Variants in CNBP observed in about 807,000 individuals in gnomAD.
CNBP encodes the protein cellular nucleic acid-binding protein.
A neutral mutation model predicts 21.2 loss-of-function variants in CNBP; 6 were observed. That is an observed-to-expected ratio of 0.28 (90% CI 0.16 to 0.56). The LOEUF (loss-of-function observed/expected upper bound fraction) is 0.56. Among genes scored for constraint, CNBP ranks in the 20% least tolerant of loss-of-function variants. The pLI, the probability that CNBP is intolerant of heterozygous loss-of-function variation, is 0.93. For synonymous variants in CNBP, 61 were observed against 74.9 expected (o/e 0.81, Z 0.96); for missense variants, 112 against 233.1 (o/e 0.48, Z 3.38).
rs1012713236 is a variant in CNBP, at chr3:129,169,631, T to C, written c.*822A>G. The C allele has an allele frequency of 4.8e-6, 1 of 209,986 alleles. No homozygotes were observed. Among genetic ancestry groups the C allele is most frequent in the Non-Finnish European group, 9.7e-6 (1 of 103,164 alleles). The allele number at this position is 209,986 out of a possible 1,614,324, so 13.0% of individuals were successfully genotyped here. A position where few individuals can be genotyped will look rare whatever the true frequency, so the allele number is the denominator to read the frequency against. On this transcript the variant is annotated 3_prime_UTR_variant, in exon 5 of 5. Coordinates refer to ENST00000422453, the MANE Select transcript of CNBP (RefSeq NM_003418.5). Reference sequence around the variant, plus strand: ...AGTTTAAAATTACATTTCTATTTTCTAGGACTTCAGTTGCTCTTTCCATCT... The same window carrying C: ...AGTTTAAAATTACATTTCTATTTTCCAGGACTTCAGTTGCTCTTTCCATCT...
chr3:129,179,877 A>G (rs1938172355), intron 1 of CNBP, among the ~76,000 whole-genome samples: 1 of 152,092 alleles, frequency 6.6e-6, no homozygotes, highest in African/African-American at 2.4e-5. Flanking sequence ...GTGGTGGCAC[A>G]CGCCTATAGT....
At chr3:129,173,496 C>T (rs1283633281) in intron 1 of CNBP, among the ~76,000 whole-genome samples, 1 of 152,244 alleles carries the variant, frequency 6.6e-6, no homozygotes, top group African/African-American at 2.4e-5. Context: ...CTCCCCTTTC[C>T]AAATGTTTCT....
chr3:129,170,731 C>T (rs1208972309), intron 4 of CNBP, among the ~76,000 whole-genome samples, 161 bp from the exon 5 acceptor site: 1 of 152,180 alleles, frequency 6.6e-6, no homozygotes, highest in Non-Finnish European at 1.5e-5. Context: ...AAATTATACA[C>T]TTACATGTCA....
intron 1 of CNBP, among the ~76,000 whole-genome samples, chr3:129,172,336 C>A (rs1937588054): frequency 6.6e-6 from 1 of 151,898 alleles, no homozygotes; most frequent in South Asian, 2.1e-4. Context: ...AATCCTAGCA[C>A]TTTGGGAGGC....
chr3:129,178,219 T>A (rs1276488786), intron 1 of CNBP, among the ~76,000 whole-genome samples: 2 of 150,956 alleles, frequency 1.3e-5, no homozygotes, highest in African/African-American at 4.9e-5. Context: ...TGAGGAGCCA[T>A]GTATGCTAAA....
chr3:129,174,131 C>A (rs1937720715), intron 1 of CNBP, among the ~76,000 whole-genome samples: 1 of 151,996 alleles, frequency 6.6e-6, no homozygotes, highest in South Asian at 2.1e-4. Context: ...TGCCTATGAA[C>A]ATATTACCAA....
intron 1 of CNBP, among the ~76,000 whole-genome samples, chr3:129,182,285 G>A (rs1166456637): frequency 1.3e-5 from 2 of 152,072 alleles, no homozygotes; most frequent in Admixed American, 1.3e-4. Context: ...CCTTCACTTT[G>A]AGAAAGACAA....
At chr3:129,180,125 A>G (rs1169890327) in intron 1 of CNBP, among the ~76,000 whole-genome samples, 2 of 152,204 alleles carry the variant, frequency 1.3e-5, no homozygotes, top group African/African-American at 2.4e-5. Context: ...TACCAATTCA[A>G]TCTCTACTTC....
rs779532978 is a variant in CNBP, at chr3:129,171,522, G to T, written c.141C>A (p.Ser47=). ...FTSDRGFQFV[S]SSLPDICYRC... ...GATAACAAATGTCTGGAAGAGACGA[G>T]GAAACAAACTGGAAACCTGTTTTGA... Residue 47 remains serine, a synonymous_variant, in exon 3 of 5, where the codon TCC becomes TCA. Coordinates refer to ENST00000422453, the MANE Select transcript of CNBP (RefSeq NM_003418.5). 1 of 1,614,066 alleles carries T rather than the reference G, an allele frequency of 6.2e-7. No individual in the cohort carries two copies. The highest frequency in any genetic ancestry group is 1.1e-5 in the South Asian group (1 of 91,082).
Position 129,181,005 on chromosome 3 carries a change from C to T in CNBP, c.-15+2771G>A, listed in dbSNP as rs569050844. On this transcript the variant is annotated intron_variant, in intron 1 of 4. Coordinates refer to ENST00000422453, the MANE Select transcript of CNBP (RefSeq NM_003418.5). ...CTGTAATCCCAGCACTTTGGGAGGC[C>T]GAGGCGGGTGAATTACCTGAGGTCA... is the stretch of plus-strand genomic sequence containing the variant. Among the ~76,000 whole-genome samples, 239 of 151,306 alleles carry T rather than the reference C, an allele frequency of 1.6e-3. 1 individual carries two copies. Among genetic ancestry groups the T allele is most frequent in the African/African-American group, 5.4e-3 (222 of 41,206 alleles).
intron 1 of CNBP, among the ~76,000 whole-genome samples, chr3:129,175,166 T>TA (rs1560037296): frequency 6.6e-6 from 1 of 151,042 alleles, no homozygotes; most frequent in African/African-American, 2.4e-5. Flanking sequence ...TCTACTAAAA[T>TA]AAAAAAATTA....
intron 1 of CNBP, among the ~76,000 whole-genome samples, chr3:129,181,957 G>A (rs1178938076): frequency 6.6e-6 from 1 of 152,076 alleles, no homozygotes; most frequent in Non-Finnish European, 1.5e-5. Flanking sequence ...CATGTACCTA[G>A]GATCCTGGCA....
Position 129,169,617 on chromosome 3 carries a change from A to T in CNBP, c.*836T>A. On this transcript the variant is annotated 3_prime_UTR_variant, in exon 5 of 5. Coordinates refer to ENST00000422453, the MANE Select transcript of CNBP (RefSeq NM_003418.5). Reference sequence around the variant, plus strand: ...AGCTTTATTGGAATAGTTTAAAATTACATTTCTATTTTCTAGGACTTCAGT... The same window carrying T: ...AGCTTTATTGGAATAGTTTAAAATTTCATTTCTATTTTCTAGGACTTCAGT... The T allele has an allele frequency of 4.8e-6, 1 of 209,238 alleles. No homozygotes were observed. The highest frequency in any genetic ancestry group is 9.7e-6 in the Non-Finnish European group (1 of 102,668). The allele number at this position is 209,238 out of a possible 1,614,324, so 13.0% of individuals were successfully genotyped here.
In CNBP at chr3:129,176,525, G is replaced by T. The variant is rs148722867; in HGVS notation, c.-14-4754C>A. ...TAACTCAGTATTTTAATTCTAGGGG[G>T]ACAGGTGTCTTTAGCAATTTGGTGA... On this transcript the variant is annotated intron_variant, in intron 1 of 4. Transcript: ENST00000422453. 2.0e-5 allele frequency among the ~76,000 whole-genome samples: 3 copies of T among 152,282 alleles called. No individual in the cohort carries two copies. In the East Asian group the frequency reaches 5.8e-4, roughly 29 times the overall value.
chr3:129,178,986 G>C (rs1054721163), intron 1 of CNBP, among the ~76,000 whole-genome samples: 2 of 151,982 alleles, frequency 1.3e-5, no homozygotes, highest in East Asian at 3.9e-4. Context: ...TAATAAAAAC[G>C]AACTATGGGG....
chr3:129,181,261 AAAAAAGAC>A (rs1938271316), intron 1 of CNBP, among the ~76,000 whole-genome samples: 1 of 144,596 alleles, frequency 6.9e-6, no homozygotes, highest in Non-Finnish European at 1.5e-5. Flanking sequence ...AAAAAAAAAA[AAAAAAGAC>A]AAGTAGAATT....
At chr3:129,172,841 ACT>A (rs1937643898) in intron 1 of CNBP, among the ~76,000 whole-genome samples, 1 of 152,100 alleles carries the variant, frequency 6.6e-6, no homozygotes, top group Non-Finnish European at 1.5e-5. Flanking sequence ...TCATTTATTT[ACT>A]CACATCAAAA....
intron 1 of CNBP, among the ~76,000 whole-genome samples, chr3:129,179,780 C>T (rs1380618401): frequency 2.0e-5 from 3 of 151,984 alleles, no homozygotes; most frequent in African/African-American, 4.8e-5. Context: ...TGCAGTGAGC[C>T]GAGATCATGC....
intron 1 of CNBP, among the ~76,000 whole-genome samples, chr3:129,172,610 AGG>A (rs1937607881): frequency 8.1e-5 from 2 of 24,706 alleles, no homozygotes; most frequent in East Asian, 8.3e-4. Flanking sequence ...GCAGGCAGAC[AGG>A]CAGACAGGCA....
Sources: gnomAD v4.1 joint callset for allele counts (sites outside exome capture counted in the v4.1 genomes callset) on GRCh38, gnomAD v4.1.1 for gene constraint, MANE v1.5 for transcripts, NCBI Gene and HGNC (gene_info 2026-07-23, HGNC 2026-07-21) for gene names.